CPB1: variants seen among roughly 807,000 people sequenced by gnomAD.
The protein encoded by CPB1 is carboxypeptidase B1.
Under a neutral mutation model 51.4 loss-of-function variants are expected in CPB1, and 53 were observed. That is an observed-to-expected ratio of 1.03 (90% CI 0.83 to 1.30). CPB1 has a LOEUF of 1.30. Among genes scored for constraint, CPB1 ranks in the 50% most tolerant of loss-of-function variants. CPB1 has a pLI of 0.00. For synonymous variants in CPB1, 189 were observed against 186.9 expected (o/e 1.01, Z -0.09); for missense variants, 494 against 516.2 (o/e 0.96, Z 0.42).
intron 6 of CPB1, 37 bp from the exon 7 acceptor site, chr3:148,844,441 T>C (rs1576570726): frequency 6.7e-7 from 1 of 1,503,604 alleles, no homozygotes; most frequent in Non-Finnish European, 9.2e-7. Context: ...CATAATTCCA[T>C]TTTTCCATGA....
chr3:148,850,193 A>T (rs1467376289), intron 9 of CPB1, among the ~76,000 whole-genome samples: 1 of 152,254 alleles, frequency 6.6e-6, no homozygotes, highest in Non-Finnish European at 1.5e-5. Context: ...CTGAAAAATT[A>T]TTAAATGTGA....
intron 5 of CPB1, among the ~76,000 whole-genome samples, chr3:148,841,338 A>G (rs959149529): frequency 3.3e-5 from 5 of 152,230 alleles, no homozygotes; most frequent in African/African-American, 1.2e-4. Context: ...ACAACATTAC[A>G]AAGCACATCA....
chr3:148,834,654 T>C (rs766645551), intron 3 of CPB1, 32 bp downstream of exon 3: 3 of 1,584,576 alleles, frequency 1.9e-6, no homozygotes, highest in Admixed American at 3.4e-5. Context: ...ATTAAAATTC[T>C]CTCCCATGCA....
chr3:148,835,784 A>AG (rs200889845), intron 3 of CPB1, among the ~76,000 whole-genome samples: 2,470 of 152,290 alleles, frequency 0.016, 56 homozygotes, highest in African/African-American at 0.055. Flanking sequence ...ATATAATTTT[A>AG]ACAGAAATTT....
chr3:148,835,137 G>A (rs1009687377), intron 3 of CPB1, among the ~76,000 whole-genome samples: 9 of 152,136 alleles, frequency 5.9e-5, no homozygotes, highest in East Asian at 1.9e-4. Context: ...AGAGAAAGAC[G>A]CAAAGAAAGG....
At position 148,834,482 on chromosome 3, in the gene CPB1, C is replaced by G; in HGVS notation, c.148-16C>G. ...ATTGAATTATAGGTATCCAATATAT[C>G]TTGTCCTTTATTCAGATTGACTTCT... On this transcript the variant is annotated splice_polypyrimidine_tract_variant and intron_variant, in intron 2 of 10. Transcript: ENST00000282957. 1.9e-6 allele frequency: 3 copies of G among 1,611,028 alleles called. No individual in the cohort carries two copies. The highest frequency in any genetic ancestry group is 1.1e-5 in the South Asian group (1 of 90,978).
chr3:148,829,186 C>T (rs1343370456), intron 2 of CPB1, among the ~76,000 whole-genome samples: 1 of 152,130 alleles, frequency 6.6e-6, no homozygotes, highest in Admixed American at 6.6e-5. Context: ...TCAAGCTTTC[C>T]GTAATTTTTC....
chr3:148,844,666 T>A lies in CPB1; in HGVS notation c.688-11T>A. 6.2e-7 allele frequency: 1 copy of A among 1,613,824 alleles called. No homozygotes were observed. Among genetic ancestry groups the A allele is most frequent in the Non-Finnish European group, 8.5e-7 (1 of 1,179,730 alleles). On this transcript the variant is annotated splice_polypyrimidine_tract_variant and intron_variant, in intron 7 of 10. Transcript: ENST00000282957. The stretch of plus-strand genomic sequence containing the variant: ...TATTATATTTGTCCTAACTATGTAG[T>A]CCACTTTCAGAGCCGATTTTGGAGA...
At position 148,860,074 on chromosome 3, in the gene CPB1, G is replaced by A. The variant is rs1713707179; in HGVS notation, c.*72G>A. 3 of 1,489,722 alleles carry A rather than the reference G, an allele frequency of 2.0e-6. No individual in the cohort carries two copies. The highest frequency in any genetic ancestry group is 1.4e-5 in the African/African-American group (1 of 71,516). 92.3% of individuals were successfully genotyped at this position (1,489,722 alleles called of 1,614,324 possible). A position where few individuals can be genotyped will look rare whatever the true frequency, so the allele number is the denominator to read the frequency against. On this transcript the variant is annotated 3_prime_UTR_variant, in exon 11 of 11. Transcript: ENST00000282957. ...TTTTCTTTCTTGAATTCTTATTTTG[G>A]TTTGCCTGGATGTTTTGCAGATCCC...
At chr3:148,830,251 C>T (rs1449624732) in intron 2 of CPB1, among the ~76,000 whole-genome samples, 1 of 152,124 alleles carries the variant, frequency 6.6e-6, no homozygotes, top group Non-Finnish European at 1.5e-5. Flanking sequence ...GTGAGCCCTT[C>T]GAGCTCTGAT....
chr3:148,850,201 T>G (rs1713382736), intron 9 of CPB1, among the ~76,000 whole-genome samples: 1 of 152,028 alleles, frequency 6.6e-6, no homozygotes. Context: ...TTATTAAATG[T>G]GAACAAAAGA....
At chr3:148,837,140 C>T (rs1712928527) in intron 3 of CPB1, among the ~76,000 whole-genome samples, 1 of 152,162 alleles carries the variant, frequency 6.6e-6, no homozygotes, top group African/African-American at 2.4e-5. Flanking sequence ...GCTAAGTTGA[C>T]AGAACCTTTA....
chr3:148,851,925 G>A (rs1319577979), intron 9 of CPB1: 1 of 152,124 alleles, frequency 6.6e-6, no homozygotes, highest in Non-Finnish European at 1.5e-5. Context: ...GTCCATTACA[G>A]GACTTCCAGT....
intron 9 of CPB1, among the ~76,000 whole-genome samples, chr3:148,846,797 G>GTGTGTGTGTGTGTGTATATGTA (rs1364486523): frequency 2.0e-5 from 1 of 50,562 alleles, no homozygotes; most frequent in Non-Finnish European, 4.3e-5. Context: ...GTGTGCGTGT[G>GTGTGTGTGTGTGTGTATATGTA]TATATATATA....
Position 148,845,537 on chromosome 3 carries a change from A to C in CPB1, c.892A>C (p.Lys298Gln), listed in dbSNP as rs1713211195. ...CATCCGCAACAAACTCTCTTCCATC[A>C]AGGCATATCTGACAATCCACTCGTA... The part of the protein sequence containing the change: ...DFIRNKLSSI[K>Q]AYLTIHSYSQ... Residue 298 changes from lysine to glutamine, a missense_variant, in exon 9 of 11, where the codon AAG becomes CAG. Lys to Gln is a moderately conservative substitution (Grantham distance 53). Transcript: ENST00000282957. 6.2e-7 allele frequency: 1 copy of C among 1,613,866 alleles called. No homozygotes were observed. Among genetic ancestry groups the C allele is most frequent in the South Asian group, 1.1e-5 (1 of 91,080 alleles).
Position 148,845,546 on chromosome 3 carries a change from C to T in CPB1, c.901C>T (p.Leu301=), listed in dbSNP as rs199791381. 4 of 1,613,976 alleles carry T rather than the reference C, an allele frequency of 2.5e-6. No homozygotes were observed. The East Asian group carries it at 8.9e-5, about 36-fold the overall frequency. ...CAAACTCTCTTCCATCAAGGCATATCTGACAATCCACTCGTACTCCCAAAT... is the reference window on the plus strand; with the variant it reads ...CAAACTCTCTTCCATCAAGGCATATTTGACAATCCACTCGTACTCCCAAAT... ...RNKLSSIKAY[L]TIHSYSQMMI... The change falls in exon 9 of 11, where the codon CTG becomes TTG. Residue 301 remains leucine (L), a synonymous_variant. Coordinates refer to ENST00000282957, the MANE Select transcript of CPB1 (RefSeq NM_001871.3).
At position 148,845,529 on chromosome 3, in the gene CPB1, C is replaced by A; in HGVS notation, c.884C>A (p.Ser295Tyr). ...ALADFIRNKL[S>Y]SIKAYLTIHS... ...GCTGATTTCATCCGCAACAAACTCT[C>A]TTCCATCAAGGCATATCTGACAATC... The change falls in exon 9 of 11, where the codon TCT becomes TAT. Residue 295 changes from serine (S) to tyrosine (Y), a missense_variant. Coordinates refer to ENST00000282957, the MANE Select transcript of CPB1 (RefSeq NM_001871.3). The A allele has an allele frequency of 5.0e-6, 8 of 1,613,984 alleles. No homozygotes were observed. The South Asian group carries it at 8.8e-5, about 18-fold the overall frequency.
intron 6 of CPB1, among the ~76,000 whole-genome samples, chr3:148,842,452 T>C (rs999293510): frequency 6.6e-6 from 1 of 152,190 alleles, no homozygotes; most frequent in African/African-American, 2.4e-5. Context: ...TTCCTTATCA[T>C]TCTAATAATA....
At position 148,834,614 on chromosome 3, in the gene CPB1, AC is replaced by A. The variant is rs770184606; in HGVS notation, c.265del (p.Gln89AsnfsTer5). ...VENVLKQNEL[Q>X]YKVLISNLRN... is the part of the protein sequence containing the mutation. ...AGAATGTTCTAAAGCAGAATGAACT[AC>A]AATACAAGTAAGTTTATGTTTTATA... On this transcript the variant is annotated frameshift_variant, in exon 3 of 11. Transcript: ENST00000282957. LOFTEE classifies it high-confidence loss of function. 6.2e-7 allele frequency: 1 copy of A among 1,608,058 alleles called. No homozygotes were observed. Among genetic ancestry groups the A allele is most frequent in the South Asian group, 1.1e-5 (1 of 90,764 alleles).
Sources: gnomAD v4.1 joint callset for allele counts (sites outside exome capture counted in the v4.1 genomes callset) on GRCh38, gnomAD v4.1.1 for gene constraint, MANE v1.5 for transcripts, NCBI Gene and HGNC (gene_info 2026-07-23, HGNC 2026-07-21) for gene names.